The following GRM7 variants were observed in gnomAD, a reference collection of about 807,000 sequenced individuals.
The protein encoded by GRM7 is glutamate metabotropic receptor 7.
Under a neutral mutation model 84.5 loss-of-function variants are expected in GRM7, and 35 were observed. The observed-to-expected ratio is 0.41, with a 90% confidence interval of 0.32 to 0.55. The LOEUF is 0.55. Among genes scored for constraint, GRM7 ranks in the 20% least tolerant of loss-of-function variants. GRM7 has a pLI of 0.19. For synonymous variants in GRM7, 487 were observed against 455.1 expected, an observed-to-expected ratio of 1.07 and a Z score of -0.89; for missense variants, 1,003 against 1,194.6, an observed-to-expected ratio of 0.84 and a Z score of 2.36.
At chr3:7,195,472 T>A (rs931466971) in intron 2 of GRM7, among the ~76,000 whole-genome samples, 1 of 152,150 alleles carries the variant, frequency 6.6e-6, no homozygotes, top group Non-Finnish European at 1.5e-5. Context: ...TGGACTGAAT[T>A]TTTCTTGTCA....
At chr3:7,624,041 A>C (rs1697491251) in intron 8 of GRM7, among the ~76,000 whole-genome samples, 1 of 152,188 alleles carries the variant, frequency 6.6e-6, no homozygotes, top group Non-Finnish European at 1.5e-5. Flanking sequence ...GACTGAGCTT[A>C]GAATTGGCAC....
intron 8 of GRM7, among the ~76,000 whole-genome samples, chr3:7,646,558 G>C (rs564857080): frequency 1.3e-5 from 2 of 152,244 alleles, no homozygotes; most frequent in South Asian, 4.1e-4. Flanking sequence ...TGAACTTCTT[G>C]ATGGTCCTTG....
In GRM7 at chr3:7,542,483, C is replaced by CT. The variant is rs200293918; in HGVS notation, c.1516-35937dup. ...AGATGTGTTTTCTATTCCACCCTTT[C>CT]TTAAGCATGTCTTTATTCTACTTTT... On this transcript the variant is annotated intron_variant, in intron 7 of 9. Coordinates refer to ENST00000357716, the MANE Select transcript of GRM7 (RefSeq NM_000844.4). Among the ~76,000 whole-genome samples, 6 of 152,066 alleles carry CT rather than the reference C, an allele frequency of 3.9e-5. No homozygotes were observed. In the East Asian group the frequency reaches 1.2e-3, roughly 29 times the overall value.
At chr3:7,566,601 A>G (rs550043933) in intron 7 of GRM7, among the ~76,000 whole-genome samples, 1 of 152,332 alleles carries the variant, frequency 6.6e-6, no homozygotes, top group Non-Finnish European at 1.5e-5. Flanking sequence ...GTTTACAAGG[A>G]GATGGCTTTT....
At chr3:7,519,835 G>A (rs1163932778) in intron 7 of GRM7, 1 of 152,286 alleles carries the variant, frequency 6.6e-6, no homozygotes. Flanking sequence ...CAAAAGCTGA[G>A]TGGTAGAATC....
At chr3:7,581,285 A>G (rs3804901) in intron 8 of GRM7, among the ~76,000 whole-genome samples, 34,625 of 152,080 alleles carry the variant, frequency 0.23, 4,817 homozygotes, top group Non-Finnish European at 0.29. Context: ...AGAACAATGT[A>G]TTGGTAGAAT....
intron 1 of GRM7, among the ~76,000 whole-genome samples, chr3:6,903,745 T>C (rs1696475766): frequency 6.6e-6 from 1 of 152,186 alleles, no homozygotes; most frequent in African/African-American, 2.4e-5. Flanking sequence ...TATCTCTCAC[T>C]AGCAGTTTCT....
intron 9 of GRM7, among the ~76,000 whole-genome samples, chr3:7,689,920 G>T (rs1209242337): frequency 1.3e-5 from 2 of 152,102 alleles, no homozygotes; most frequent in African/African-American, 4.8e-5. Flanking sequence ...AGACTCAAAG[G>T]TAAGTAATAG....
intron 1 of GRM7, among the ~76,000 whole-genome samples, chr3:6,902,353 C>T (rs968666538): frequency 6.6e-6 from 1 of 152,130 alleles, no homozygotes; most frequent in Non-Finnish European, 1.5e-5. Flanking sequence ...AAATTTTAGG[C>T]AACCACAATG....
intron 4 of GRM7, among the ~76,000 whole-genome samples, chr3:7,377,274 G>A (rs190384223): frequency 5.1e-4 from 77 of 152,302 alleles, no homozygotes; most frequent in African/African-American, 1.6e-3. Flanking sequence ...TGTGACCACA[G>A]GGGTGTTGAG....
intron 1 of GRM7, among the ~76,000 whole-genome samples, chr3:7,134,963 CA>C (rs1553621773): frequency 1.3e-5 from 2 of 152,020 alleles, no homozygotes; most frequent in Non-Finnish European, 2.9e-5. Flanking sequence ...ACTTGGATTT[CA>C]AGAAAATGGT....
At chr3:7,367,821 C>A (rs1033515020) in intron 4 of GRM7, among the ~76,000 whole-genome samples, 1 of 151,644 alleles carries the variant, frequency 6.6e-6, no homozygotes, top group East Asian at 1.9e-4. Context: ...ACCATCTAGA[C>A]GGGGTCCTGT....
intron 1 of GRM7, chr3:6,956,631 C>T (rs945389283): frequency 1.1e-5 from 5 of 456,578 alleles, no homozygotes; most frequent in African/African-American, 1.0e-4. Context: ...TAAGTTCAAG[C>T]TCATCTTTTC....
At chr3:6,967,149 C>A (rs1693552470) in intron 1 of GRM7, among the ~76,000 whole-genome samples, 1 of 152,144 alleles carries the variant, frequency 6.6e-6, no homozygotes, top group African/African-American at 2.4e-5. Flanking sequence ...AGTTGCCAAA[C>A]TATAGTAAGG....
chr3:6,954,426 A>G (rs540281610), intron 1 of GRM7, among the ~76,000 whole-genome samples: 1 of 152,216 alleles, frequency 6.6e-6, no homozygotes, highest in Non-Finnish European at 1.5e-5. Flanking sequence ...ATTATGTGCT[A>G]GCTGTCTGAT....
intron 2 of GRM7, among the ~76,000 whole-genome samples, chr3:7,285,907 T>G (rs1309059914): frequency 6.6e-6 from 1 of 152,168 alleles, no homozygotes; most frequent in African/African-American, 2.4e-5. Context: ...TTTTGGAGCT[T>G]AAGTTCATGG....
intron 7 of GRM7, among the ~76,000 whole-genome samples, chr3:7,503,262 C>T (rs954592599): frequency 6.6e-6 from 1 of 151,998 alleles, no homozygotes; most frequent in African/African-American, 2.4e-5. Flanking sequence ...TAATGTTTCT[C>T]CTCTTTGTTT....
chr3:7,222,535 T>C (rs560034116), intron 2 of GRM7, among the ~76,000 whole-genome samples: 1 of 152,212 alleles, frequency 6.6e-6, no homozygotes, highest in African/African-American at 2.4e-5. Flanking sequence ...AGAAGTAAAT[T>C]CATTTTCAGA....
rs1259506520 is a variant in GRM7, at chr3:7,486,817, C to T, written c.1515+25095C>T. 6.6e-6 allele frequency among the ~76,000 whole-genome samples: 1 copy of T among 152,066 alleles called. No individual in the cohort carries two copies. Among genetic ancestry groups the T allele is most frequent in the African/African-American group, 2.4e-5 (1 of 41,398 alleles). On this transcript the variant is annotated intron_variant, in intron 7 of 9. Transcript: ENST00000357716. This position sits in a 1 kb window ranked among gnomAD's most constrained non-coding sequence, Gnocchi z 5.5. ...GCTGGGAAGTGGAGTTGTTGCTATG[C>T]CTGAAAATGTAGAAGTAGCTCTGGA...
Sources: gnomAD v4.1 joint callset for allele counts (sites outside exome capture counted in the v4.1 genomes callset) on GRCh38, gnomAD v4.1.1 for gene constraint, Gnocchi (gnomAD v3.1) non-coding constraint, MANE v1.5 for transcripts, NCBI Gene and HGNC (gene_info 2026-07-23, HGNC 2026-07-21) for gene names.